Variants in LIN54 observed in about 807,000 individuals in gnomAD.
LIN54 encodes protein lin-54 homolog.
LIN54 carries 9 observed loss-of-function variants against 78.7 expected under a neutral mutation model. That is an observed-to-expected ratio of 0.11 (90% CI 0.07 to 0.20). The LOEUF is 0.20. LIN54 is among the 10% of genes least tolerant of loss of function. The probability of loss-of-function intolerance (pLI) is 1.00; values close to 1 mark genes in which losing one functional copy is unlikely to be tolerated. For synonymous variants in LIN54, 269 were observed against 318.4 expected, an observed-to-expected ratio of 0.84 and a Z score of 1.65; for missense variants, 573 against 889.9, an observed-to-expected ratio of 0.64 and a Z score of 4.53.
chr4:82,944,530 C>T (rs1438535549), intron 5 of LIN54, among the ~76,000 whole-genome samples: 1 of 151,944 alleles, frequency 6.6e-6, no homozygotes, highest in Non-Finnish European at 1.5e-5. Context: ...GATTTTATTC[C>T]AAAATCTTTT....
chr4:82,951,757 C>A (rs530958341), intron 4 of LIN54, among the ~76,000 whole-genome samples: 1 of 151,908 alleles, frequency 6.6e-6, no homozygotes, highest in African/African-American at 2.4e-5. Context: ...AGTAAAACCA[C>A]AGCTGGTATT....
chr4:83,009,100 G>C (rs544168361), intron 1 of LIN54, among the ~76,000 whole-genome samples: 1 of 152,236 alleles, frequency 6.6e-6, no homozygotes, highest in Non-Finnish European at 1.5e-5. Flanking sequence ...AACCTTCTGA[G>C]TACCTCTAAG....
chr4:82,931,875 T>C (rs1056891528), intron 11 of LIN54, among the ~76,000 whole-genome samples: 4 of 152,188 alleles, frequency 2.6e-5, no homozygotes, highest in Admixed American at 6.5e-5. Flanking sequence ...ATAGCTTGAA[T>C]TCATTCTATT....
intron 3 of LIN54, among the ~76,000 whole-genome samples, chr4:82,974,246 A>C (rs1305216824): frequency 6.6e-6 from 1 of 152,018 alleles, no homozygotes; most frequent in African/African-American, 2.4e-5. Flanking sequence ...AGGTGCCAAA[A>C]ATTGTGCTAG....
intron 5 of LIN54, among the ~76,000 whole-genome samples, chr4:82,943,697 T>C (rs1723119587): frequency 6.6e-6 from 1 of 151,496 alleles, no homozygotes; most frequent in South Asian, 2.1e-4. Flanking sequence ...CAGAGAGATA[T>C]AGTGGAGAAC....
At position 82,928,015 on chromosome 4, in the gene LIN54, C is replaced by G; in HGVS notation, c.*87G>C. 1 of 1,080,412 alleles carries G rather than the reference C, an allele frequency of 9.3e-7. No homozygotes were observed. Among genetic ancestry groups the G allele is most frequent in the Admixed American group, 1.9e-5 (1 of 53,352 alleles). 66.9% of individuals were successfully genotyped at this position (1,080,412 alleles called of 1,614,324 possible). On this transcript the variant is annotated 3_prime_UTR_variant, in exon 13 of 13. Coordinates refer to ENST00000340417, the MANE Select transcript of LIN54 (RefSeq NM_194282.4). The stretch of plus-strand genomic sequence containing the variant: ...TTAAAACAAGGACTGAATTAAAATA[C>G]AGTAATTGTTTTTCTTCCAGAAAAT...
chr4:82,953,845 T>C (rs1483277196), intron 4 of LIN54, among the ~76,000 whole-genome samples: 1 of 151,754 alleles, frequency 6.6e-6, no homozygotes, highest in Non-Finnish European at 1.5e-5. Context: ...AGCCCTGAGG[T>C]GGGAGGATTG....
upstream of LIN54, chr4:83,010,895 A>T: frequency 9.0e-7 from 1 of 1,113,450 alleles, no homozygotes; most frequent in Non-Finnish European, 1.1e-6. Flanking sequence ...TATCCGGGGA[A>T]GCCTCCCGCC....
chr4:82,955,786 GTAA>G (rs1724278405), intron 4 of LIN54, among the ~76,000 whole-genome samples: 1 of 151,840 alleles, frequency 6.6e-6, no homozygotes, highest in African/African-American at 2.4e-5. Flanking sequence ...AAGACTGTGC[GTAA>G]GTTTTTTTCC....
chr4:83,012,034 A>G, upstream of LIN54: 1 of 985,268 alleles, frequency 1.0e-6, no homozygotes, highest in South Asian at 4.7e-5. Context: ...TTCAATGGCA[A>G]CTCCATATAA....
rs571450808 is a variant in LIN54 at position 82,925,344 on chromosome 4, C to T, written c.*2758G>A. 6.6e-6 allele frequency: 1 copy of T among 152,154 alleles called. No homozygotes were observed. Among genetic ancestry groups the T allele is most frequent in the Non-Finnish European group, 1.5e-5 (1 of 68,048 alleles). The allele number at this position is 152,154 out of a possible 1,614,324, so 9.4% of individuals were successfully genotyped here. On this transcript the variant is annotated 3_prime_UTR_variant, in exon 13 of 13. Coordinates refer to ENST00000340417, the MANE Select transcript of LIN54 (RefSeq NM_194282.4). ...AAGTAGCGAGGACTGCAGGTGTGCG[C>T]CACCACACGCAGTGAATTTTTTTAT...
In LIN54 at chr4:82,947,234, TA is replaced by T. The variant is rs1231150546; in HGVS notation, c.952-761del. On this transcript the variant is annotated intron_variant, in intron 4 of 12. Transcript: ENST00000340417. ...ATATATATATATATATATATATATA[TA>T]TTTTTTTTTTTTTTGAAGACAGGGT... Among the ~76,000 whole-genome samples, 26 of 45,454 alleles carry T rather than the reference TA, an allele frequency of 5.7e-4. 1 individual carries two copies. The highest frequency in any genetic ancestry group is 2.1e-3 in the African/African-American group (24 of 11,198). The allele number at this position is 45,454 out of a possible 152,430, so 29.8% of individuals were successfully genotyped here.
At chr4:83,005,597 C>T (rs1729284665) in intron 1 of LIN54, among the ~76,000 whole-genome samples, 1 of 150,404 alleles carries the variant, frequency 6.6e-6, no homozygotes, top group Non-Finnish European at 1.5e-5. Flanking sequence ...TGCACTCCAG[C>T]CTCAGCGACA....
chr4:82,931,251 A>C, intron 11 of LIN54, 106 bp from the exon 12 acceptor site: 1 of 785,598 alleles, frequency 1.3e-6, no homozygotes, highest in Non-Finnish European at 2.1e-6. Context: ...TGGTCAACTG[A>C]TAATAAGATT....
chr4:82,996,413 A>G (rs1041927500), intron 1 of LIN54, among the ~76,000 whole-genome samples: 3 of 151,858 alleles, frequency 2.0e-5, no homozygotes, highest in Non-Finnish European at 2.9e-5. Context: ...ATATTTATTT[A>G]TTTATTTTTT....
intron 3 of LIN54, among the ~76,000 whole-genome samples, chr4:82,970,963 G>C (rs539674714): frequency 1.3e-5 from 2 of 152,178 alleles, no homozygotes; most frequent in Admixed American, 6.5e-5. Flanking sequence ...ATTTTAGACT[G>C]CCAAAGGGGA....
At chr4:83,002,394 A>AGGAAGGAAGGAG (rs1433430821) in intron 1 of LIN54, among the ~76,000 whole-genome samples, 2 of 137,082 alleles carry the variant, frequency 1.5e-5, no homozygotes, top group Non-Finnish European at 3.1e-5. Flanking sequence ...TGAGGGAGGA[A>AGGAAGGAAGGAG]GGAAGGAAGG....
intron 1 of LIN54, among the ~76,000 whole-genome samples, chr4:82,991,948 T>C (rs905721022): frequency 7.2e-5 from 11 of 152,344 alleles, no homozygotes; most frequent in East Asian, 1.9e-4. Flanking sequence ...CATTTTATAG[T>C]GTCTGCCTGG....
intron 1 of LIN54, among the ~76,000 whole-genome samples, chr4:83,008,323 A>C (rs1342299207): frequency 6.6e-6 from 1 of 152,168 alleles, no homozygotes; most frequent in Non-Finnish European, 1.5e-5. Context: ...ACTATATGAC[A>C]CCTAATAGAC....
Sources: allele counts gnomAD v4.1 joint callset (sites outside exome capture counted in the v4.1 genomes callset), GRCh38; gene constraint gnomAD v4.1.1; transcripts MANE v1.5; gene names NCBI Gene and HGNC (gene_info 2026-07-23, HGNC 2026-07-21).